NRXN1: variants seen among roughly 807,000 people sequenced by gnomAD.
The protein encoded by NRXN1 is neurexin-1.
A neutral mutation model predicts 150.9 loss-of-function variants in NRXN1; 39 were observed. That is an observed-to-expected ratio of 0.26 (90% CI 0.20 to 0.34). The LOEUF is 0.34. Ranked by LOEUF, NRXN1 falls within the 10% of genes least tolerant of loss-of-function variation. The pLI, the probability that NRXN1 is intolerant of heterozygous loss-of-function variation, is 1.00. For missense variants in NRXN1, 1,815 were observed against 1,949.9 expected, an observed-to-expected ratio of 0.93 and a Z score of 1.30; for synonymous variants, 924 against 757.0, an observed-to-expected ratio of 1.22 and a Z score of -3.62.
At chr2:50,289,716 A>G (rs1319093173) in intron 17 of NRXN1, among the ~76,000 whole-genome samples, 1 of 152,156 alleles carries the variant, frequency 6.6e-6, no homozygotes, top group Non-Finnish European at 1.5e-5. Context: ...ACATATTTAT[A>G]TAATTTATAA....
At chr2:50,304,826 C>G (rs935090505) in intron 17 of NRXN1, among the ~76,000 whole-genome samples, 1 of 152,092 alleles carries the variant, frequency 6.6e-6, no homozygotes, top group African/African-American at 2.4e-5. Flanking sequence ...AGTGTGGTGG[C>G]TCACGCTATA....
At chr2:50,143,571 G>T (rs1170857089) in intron 18 of NRXN1, among the ~76,000 whole-genome samples, 4 of 151,930 alleles carry the variant, frequency 2.6e-5, no homozygotes, top group Admixed American at 2.6e-4. Context: ...CAGCAAATGT[G>T]CAAATGTTCT....
At chr2:50,421,689 G>T (rs1319341310) in intron 17 of NRXN1, among the ~76,000 whole-genome samples, 3 of 152,098 alleles carry the variant, frequency 2.0e-5, no homozygotes, top group African/African-American at 7.2e-5. Context: ...TGCACTAGTA[G>T]ATTTGGACTC....
intron 5 of NRXN1, among the ~76,000 whole-genome samples, chr2:50,785,963 T>C (rs993687944): frequency 6.6e-6 from 1 of 152,138 alleles, no homozygotes; most frequent in Non-Finnish European, 1.5e-5. Flanking sequence ...CAATGTGGTA[T>C]AACAGCCACG....
chr2:51,001,373 C>G (rs993121079), intron 2 of NRXN1, among the ~76,000 whole-genome samples: 1 of 151,818 alleles, frequency 6.6e-6, no homozygotes, highest in Non-Finnish European at 1.5e-5. Flanking sequence ...TTGTTGGTGC[C>G]TTTCCAAAAC....
chr2:50,806,122 C>G (rs1667477754), intron 5 of NRXN1, among the ~76,000 whole-genome samples: 2 of 152,110 alleles, frequency 1.3e-5, no homozygotes, highest in African/African-American at 4.8e-5. Flanking sequence ...AATCTGAAAC[C>G]ACTGTAAAAG....
chr2:50,843,481 A>G (rs1673174748), intron 5 of NRXN1, among the ~76,000 whole-genome samples: 1 of 152,172 alleles, frequency 6.6e-6, no homozygotes, highest in Non-Finnish European at 1.5e-5. Context: ...TTCCTTTTTC[A>G]TAAGGACTTT....
intron 17 of NRXN1, among the ~76,000 whole-genome samples, chr2:50,381,174 C>T (rs914855518): frequency 1.3e-5 from 2 of 151,860 alleles, no homozygotes; most frequent in African/African-American, 2.4e-5. Context: ...TGAAGAGAGA[C>T]ATTATGGACA....
intron 17 of NRXN1, among the ~76,000 whole-genome samples, chr2:50,340,193 G>A (rs2077457491): frequency 6.6e-6 from 1 of 152,306 alleles, no homozygotes; most frequent in South Asian, 2.1e-4. Context: ...AGGCACTGTG[G>A]AAATATATAC....
intron 18 of NRXN1, among the ~76,000 whole-genome samples, chr2:50,208,567 G>A (rs2062781862): frequency 6.6e-6 from 1 of 151,988 alleles, no homozygotes; most frequent in Non-Finnish European, 1.5e-5. Flanking sequence ...GGATTATTTT[G>A]ATTTAGAGAG....
At chr2:50,904,684 C>G (rs553212968) in intron 5 of NRXN1, among the ~76,000 whole-genome samples, 1 of 152,082 alleles carries the variant, frequency 6.6e-6, no homozygotes, top group Non-Finnish European at 1.5e-5. Flanking sequence ...AAAAAGATTA[C>G]TAATCTGTAT....
At chr2:50,340,240 G>A (rs1336921632) in intron 17 of NRXN1, among the ~76,000 whole-genome samples, 7 of 152,154 alleles carry the variant, frequency 4.6e-5, no homozygotes, top group Non-Finnish European at 7.3e-5. Flanking sequence ...TCTGTCAAAA[G>A]CTTGAGGGAA....
intron 18 of NRXN1, among the ~76,000 whole-genome samples, chr2:50,105,584 C>A (rs1364664535): frequency 1.3e-5 from 2 of 151,936 alleles, no homozygotes; most frequent in Non-Finnish European, 2.9e-5. Flanking sequence ...AGCTTCCAAT[C>A]AAATCCAAAA....
rs1417072359 is a variant in NRXN1 at position 50,158,004 on chromosome 2, T to TA, written c.3547-66511dup. Among the ~76,000 whole-genome samples the TA allele has an allele frequency of 2.4e-4, 35 of 146,122 alleles. 1 individual carries two copies. Among genetic ancestry groups the TA allele is most frequent in the South Asian group, 4.4e-4 (2 of 4,566 alleles). On this transcript the variant is annotated intron_variant, in intron 18 of 22. Transcript: ENST00000401669. Reference sequence around the variant, plus strand: ...GGGAGAGAAACAAGGAGGGCAATTATAAAAAAAAAGAAATGAAGCTGCTGG... The same window carrying TA: ...GGGAGAGAAACAAGGAGGGCAATTATAAAAAAAAAAGAAATGAAGCTGCTGG...
chr2:50,082,568 G>A (rs1419126326), intron 19 of NRXN1, among the ~76,000 whole-genome samples: 1 of 152,156 alleles, frequency 6.6e-6, no homozygotes, highest in East Asian at 1.9e-4. Context: ...TTTGTTTTCA[G>A]AATCTGAGAA....
intron 5 of NRXN1, among the ~76,000 whole-genome samples, chr2:50,893,547 T>C (rs1681420060): frequency 6.6e-6 from 1 of 152,158 alleles, no homozygotes; most frequent in South Asian, 2.1e-4. Flanking sequence ...GCTATTCTGA[T>C]ATTTGAGATG....
chr2:50,604,891 T>A (rs1240950841), intron 8 of NRXN1, among the ~76,000 whole-genome samples: 2 of 152,306 alleles, frequency 1.3e-5, no homozygotes, highest in South Asian at 4.1e-4. Flanking sequence ...ACTATCCAGC[T>A]TTTTTCAACC....
chr2:50,143,043 G>C (rs921008994), intron 18 of NRXN1, among the ~76,000 whole-genome samples: 1 of 151,816 alleles, frequency 6.6e-6, no homozygotes, highest in Non-Finnish European at 1.5e-5. Context: ...AGCCTGTTTG[G>C]TTAACATTTT....
chr2:50,570,220 G>A (rs1387850413), intron 8 of NRXN1, among the ~76,000 whole-genome samples: 10 of 152,116 alleles, frequency 6.6e-5, no homozygotes, highest in Non-Finnish European at 1.3e-4. Context: ...ATTCTAGAGA[G>A]GAAGAAGGAG....
Sources: allele counts gnomAD v4.1 joint callset (sites outside exome capture counted in the v4.1 genomes callset), GRCh38; gene constraint gnomAD v4.1.1; transcripts MANE v1.5; gene names NCBI Gene and HGNC (gene_info 2026-07-23, HGNC 2026-07-21).